The following CDH7 variants were observed in gnomAD, a reference collection of about 807,000 sequenced individuals.
The protein encoded by CDH7 is cadherin 7.
In CDH7, 25 loss-of-function variants were observed where a neutral mutation model predicts 71.8. That is an observed-to-expected ratio of 0.35 (90% CI 0.25 to 0.49). CDH7 has a LOEUF of 0.49. Among genes scored for constraint, CDH7 ranks in the 20% least tolerant of loss-of-function variants. The pLI is 0.99. For synonymous variants in CDH7, 381 were observed against 363.8 expected, an observed-to-expected ratio of 1.05 and a Z score of -0.54; for missense variants, 862 against 974.6, an observed-to-expected ratio of 0.88 and a Z score of 1.54.
intron 6 of CDH7, among the ~76,000 whole-genome samples, chr18:65,833,179 C>G (rs1436511363): frequency 2.0e-5 from 3 of 152,132 alleles, no homozygotes; most frequent in African/African-American, 7.2e-5. Flanking sequence ...ATTCACTGCC[C>G]TAAGTTAGAT....
chr18:65,853,955 A>G lies in CDH7; in HGVS notation c.1236-3861A>G, dbSNP rs1405913426. On this transcript the variant is annotated intron_variant, in intron 7 of 11. Coordinates refer to ENST00000397968, the MANE Select transcript of CDH7 (RefSeq NM_004361.5). The stretch of plus-strand genomic sequence containing the variant: ...TATATATATATATATATATATATAT[A>G]TGCTATTTAGTGAGATCTAAGTGGG... Among the ~76,000 whole-genome samples the G allele has an allele frequency of 6.3e-5, 6 of 95,926 alleles. No individual in the cohort carries two copies. The Admixed American group carries it at 6.5e-4, about 10-fold the overall frequency. 62.9% of individuals were successfully genotyped at this position (95,926 alleles called of 152,430 possible). A position where few individuals can be genotyped will look rare whatever the true frequency, so the allele number is the denominator to read the frequency against.
intron 6 of CDH7, among the ~76,000 whole-genome samples, chr18:65,826,032 G>A (rs931290): frequency 0.66 from 99,559 of 151,218 alleles, 33,580 homozygotes; most frequent in East Asian, 0.97. Flanking sequence ...TATAATGAAG[G>A]CAGCATGAAT....
rs534463831 is a variant in CDH7, at chr18:65,807,596, C to T, written c.211-2108C>T. On this transcript the variant is annotated intron_variant, in intron 2 of 11. Coordinates refer to ENST00000397968, the MANE Select transcript of CDH7 (RefSeq NM_004361.5). Reference sequence around the variant, plus strand: ...AGGTAAGTTGCTACCAGGTGCCGCCCCATAGGAGCACAGATGAGGGTGAGG... The same window carrying T: ...AGGTAAGTTGCTACCAGGTGCCGCCTCATAGGAGCACAGATGAGGGTGAGG... 1.1e-4 allele frequency among the ~76,000 whole-genome samples: 16 copies of T among 152,280 alleles called. No homozygotes were observed. In the East Asian group the frequency reaches 2.3e-3, roughly 22 times the overall value.
intron 2 of CDH7, among the ~76,000 whole-genome samples, chr18:65,768,890 T>A (rs1460189661): frequency 6.6e-6 from 1 of 152,198 alleles, no homozygotes; most frequent in Non-Finnish European, 1.5e-5. Flanking sequence ...AAATCTCTTT[T>A]GTATGCTGCT....
chr18:65,861,549 T>C (rs2144035939), intron 10 of CDH7, among the ~76,000 whole-genome samples: 1 of 152,314 alleles, frequency 6.6e-6, no homozygotes, highest in African/African-American at 2.4e-5. Context: ...TTTTAGTGAG[T>C]ACCTTCTCAA....
At chr18:65,842,275 A>G (rs1479974295) in intron 6 of CDH7, among the ~76,000 whole-genome samples, 1 of 152,126 alleles carries the variant, frequency 6.6e-6, no homozygotes, top group Non-Finnish European at 1.5e-5. Flanking sequence ...AATAGTGATG[A>G]ACAAAATGAT....
intron 1 of CDH7, among the ~76,000 whole-genome samples, chr18:65,754,248 C>T (rs566577512): frequency 6.6e-6 from 1 of 152,154 alleles, no homozygotes; most frequent in Non-Finnish European, 1.5e-5. Flanking sequence ...CTGTAATCCA[C>T]TTTGAGAAGT....
chr18:65,846,207 T>A (rs1455204941), intron 7 of CDH7, among the ~76,000 whole-genome samples: 3 of 152,040 alleles, frequency 2.0e-5, no homozygotes, highest in African/African-American at 7.2e-5. Context: ...AGAGATGAAG[T>A]GAGCTCCACT....
chr18:65,829,205 C>T (rs887666751), intron 6 of CDH7, among the ~76,000 whole-genome samples: 11 of 151,958 alleles, frequency 7.2e-5, no homozygotes, highest in Admixed American at 1.3e-4. Flanking sequence ...CTGCAAGCTC[C>T]GCCTCCCGGG....
chr18:65,789,828 G>A (rs1017634194), intron 2 of CDH7, among the ~76,000 whole-genome samples: 1 of 152,012 alleles, frequency 6.6e-6, no homozygotes, highest in African/African-American at 2.4e-5. Flanking sequence ...ACCAGCAAGG[G>A]GACCTCTCAC....
intron 5 of CDH7, among the ~76,000 whole-genome samples, chr18:65,823,569 A>G (rs552770609): frequency 2.6e-5 from 4 of 151,966 alleles, no homozygotes; most frequent in Admixed American, 6.6e-5. Context: ...TAACCCTGAC[A>G]TTTTGGAATT....
At chr18:65,872,056 CA>C (rs1456902202) in intron 11 of CDH7, among the ~76,000 whole-genome samples, 21 of 152,000 alleles carry the variant, frequency 1.4e-4, no homozygotes, top group East Asian at 3.9e-4. Flanking sequence ...AGAGTGGCTA[CA>C]AAAAAACATG....
At chr18:65,858,442 G>T (rs139441915) in intron 8 of CDH7, among the ~76,000 whole-genome samples, 1,522 of 151,998 alleles carry the variant, frequency 0.01, 24 homozygotes, top group African/African-American at 0.035. Context: ...TAATGTGTAT[G>T]CATTTATAAT....
chr18:65,876,634 T>C (rs1370860628), intron 11 of CDH7, among the ~76,000 whole-genome samples: 2 of 152,202 alleles, frequency 1.3e-5, no homozygotes, highest in Non-Finnish European at 2.9e-5. Context: ...CTCATCTGTA[T>C]CTATTTCCCC....
At chr18:65,837,359 G>C (rs1912566806) in intron 6 of CDH7, among the ~76,000 whole-genome samples, 1 of 152,272 alleles carries the variant, frequency 6.6e-6, no homozygotes, top group African/African-American at 2.4e-5. Context: ...TCATAGGCCA[G>C]TTGTGTTTGA....
At chr18:65,821,138 AAAAAAC>A (rs1911911611) in intron 4 of CDH7, among the ~76,000 whole-genome samples, 4 of 151,396 alleles carry the variant, frequency 2.6e-5, no homozygotes, top group South Asian at 4.2e-4. Context: ...CAAACAAAAA[AAAAAAC>A]AAGAAAAGAA....
chr18:65,803,773 A>G (rs1340487210), intron 2 of CDH7: 2 of 152,014 alleles, frequency 1.3e-5, no homozygotes, highest in African/African-American at 4.8e-5. Context: ...AAATTTTAAT[A>G]AAATTACCCT....
chr18:65,856,257 A>G lies in CDH7; in HGVS notation c.1236-1559A>G, dbSNP rs79159177. On this transcript the variant is annotated intron_variant, in intron 7 of 11. Transcript: ENST00000397968. ...ACAAACACACTTTCAAATTCCTGAC[A>G]CAAACAAAATAAGATATATTATTAT... Among the ~76,000 whole-genome samples, 1,048 of 152,310 alleles carry G rather than the reference A, an allele frequency of 6.9e-3. 23 individuals carry two copies. The East Asian group carries it at 0.075, about 11-fold the overall frequency.
intron 2 of CDH7, among the ~76,000 whole-genome samples, chr18:65,795,860 A>G (rs1257113524): frequency 3.9e-5 from 6 of 151,962 alleles, no homozygotes; most frequent in Admixed American, 3.9e-4. Flanking sequence ...CAGTTCCCCC[A>G]TGCTGTTCTC....
Sources: allele counts gnomAD v4.1 joint callset (sites outside exome capture counted in the v4.1 genomes callset), GRCh38; gene constraint gnomAD v4.1.1; transcripts MANE v1.5; gene names NCBI Gene and HGNC (gene_info 2026-07-23, HGNC 2026-07-21).